The following LPGAT1 variants were observed in gnomAD, a reference collection of about 807,000 sequenced individuals.
LPGAT1 encodes acyl-CoA:lysophosphatidylglycerol acyltransferase 1.
Under a neutral mutation model 47.5 loss-of-function variants are expected in LPGAT1, and 11 were observed. The observed-to-expected ratio is 0.23, with a 90% CI of 0.15 to 0.38. The LOEUF (loss-of-function observed/expected upper bound fraction) is 0.38, where lower values mean the gene tolerates loss of function less well. LPGAT1 is among the 10% of genes least tolerant of loss of function. The pLI, the probability that LPGAT1 is intolerant of heterozygous loss-of-function variation, is 1.00. For missense variants in LPGAT1, 293 were observed against 439.0 expected, an observed-to-expected ratio of 0.67 and a Z score of 2.97; for synonymous variants, 138 against 144.2, an observed-to-expected ratio of 0.96 and a Z score of 0.31.
At chr1:211,788,358 G>T (rs1658970872) in intron 3 of LPGAT1, among the ~76,000 whole-genome samples, 2 of 152,052 alleles carry the variant, frequency 1.3e-5, no homozygotes, top group Non-Finnish European at 2.9e-5. Context: ...AATATTGAGG[G>T]CAGAAGACTT....
chr1:211,767,993 C>T (rs183482334), intron 6 of LPGAT1, among the ~76,000 whole-genome samples: 1 of 152,190 alleles, frequency 6.6e-6, no homozygotes, highest in East Asian at 1.9e-4. Context: ...AAAAGTTGGT[C>T]CCCAATATGT....
chr1:211,764,367 T>A (rs1230943785), intron 6 of LPGAT1, among the ~76,000 whole-genome samples: 1 of 152,200 alleles, frequency 6.6e-6, no homozygotes, highest in African/African-American at 2.4e-5. Context: ...CTGAACAGAA[T>A]TAAATTACAG....
chr1:211,756,474 C>T (rs1051808415), intron 6 of LPGAT1, among the ~76,000 whole-genome samples: 9 of 152,014 alleles, frequency 5.9e-5, no homozygotes, highest in African/African-American at 7.2e-5. Context: ...ACCACAGGTG[C>T]GCATCATCAT....
chr1:211,830,750 C>T lies in LPGAT1; in HGVS notation c.-205G>A. ...GACTCGGTCCCCAAGGGCCCGGCCG[C>T]GTTCGCCCGGACTGGCGGGGAGGGG... is the stretch of plus-strand genomic sequence containing the variant. On this transcript the variant is annotated 5_prime_UTR_variant, in exon 1 of 8. Transcript: ENST00000366997. This position sits in a 1 kb window ranked among gnomAD's most constrained non-coding sequence, Gnocchi z 5.9. 1 of 1,164,412 alleles carries T rather than the reference C, an allele frequency of 8.6e-7. No homozygotes were observed. Among genetic ancestry groups the T allele is most frequent in the Non-Finnish European group, 1.1e-6 (1 of 944,850 alleles). The allele number at this position is 1,164,412 out of a possible 1,614,324, so 72.1% of individuals were successfully genotyped here.
intron 6 of LPGAT1, among the ~76,000 whole-genome samples, chr1:211,772,616 T>C (rs1320546079): frequency 6.6e-6 from 1 of 152,234 alleles, no homozygotes; most frequent in African/African-American, 2.4e-5. Flanking sequence ...GAATACACAA[T>C]GAAATATTTA....
chr1:211,810,118 T>C (rs1392554276), intron 2 of LPGAT1, among the ~76,000 whole-genome samples: 1 of 152,130 alleles, frequency 6.6e-6, no homozygotes, highest in Non-Finnish European at 1.5e-5. Context: ...CCTGCCTGAA[T>C]GAATTAGTTG....
chr1:211,771,506 T>C (rs546096727), intron 6 of LPGAT1, among the ~76,000 whole-genome samples: 126 of 152,184 alleles, frequency 8.3e-4, no homozygotes, highest in African/African-American at 2.9e-3. Flanking sequence ...CTTATTTTTA[T>C]TATTATTATT....
At chr1:211,771,033 G>T (rs1430270459) in intron 6 of LPGAT1, among the ~76,000 whole-genome samples, 1 of 149,948 alleles carries the variant, frequency 6.7e-6, no homozygotes, top group Non-Finnish European at 1.5e-5. Flanking sequence ...GGAGGTGGAG[G>T]TTGCAGTAAG....
intron 6 of LPGAT1, among the ~76,000 whole-genome samples, chr1:211,768,832 C>G (rs1658046909): frequency 1.3e-5 from 2 of 152,138 alleles, no homozygotes; most frequent in African/African-American, 4.8e-5. Context: ...GACATTTGAG[C>G]AGGCCTGAAG....
intron 2 of LPGAT1, among the ~76,000 whole-genome samples, chr1:211,799,275 T>C (rs1450561526): frequency 6.6e-6 from 1 of 152,070 alleles, no homozygotes; most frequent in Non-Finnish European, 1.5e-5. Context: ...AATAGATATA[T>C]AAATAATAAT....
chr1:211,789,125 T>G (rs1659006841), intron 3 of LPGAT1, among the ~76,000 whole-genome samples: 1 of 152,202 alleles, frequency 6.6e-6, no homozygotes, highest in Admixed American at 6.5e-5. Context: ...ATCACCAGCA[T>G]CCCATCTTGT....
intron 3 of LPGAT1, among the ~76,000 whole-genome samples, chr1:211,790,632 A>G (rs1282803186): frequency 6.6e-6 from 1 of 152,202 alleles, no homozygotes; most frequent in East Asian, 1.9e-4. Flanking sequence ...TCAGAGCATT[A>G]TTTAGTATTA....
At chr1:211,776,409 T>C (rs754746931) in intron 6 of LPGAT1, among the ~76,000 whole-genome samples, 128 of 152,124 alleles carry the variant, frequency 8.4e-4, no homozygotes, top group Admixed American at 5.2e-4. Flanking sequence ...TGGTGGTATG[T>C]GCCTGTAATC....
intron 6 of LPGAT1, among the ~76,000 whole-genome samples, chr1:211,752,956 G>C (rs972360208): frequency 2.0e-5 from 3 of 152,164 alleles, no homozygotes; most frequent in African/African-American, 4.8e-5. Flanking sequence ...AGCAGCCAGA[G>C]ACAATGTATA....
chr1:211,796,537 G>A (rs1448882469), intron 2 of LPGAT1, among the ~76,000 whole-genome samples: 1 of 152,120 alleles, frequency 6.6e-6, no homozygotes, highest in Non-Finnish European at 1.5e-5. Context: ...CCCTGCTGAC[G>A]CCTTGATTTC....
intron 6 of LPGAT1, among the ~76,000 whole-genome samples, chr1:211,758,967 AT>A (rs1657577683): frequency 6.6e-6 from 1 of 151,984 alleles, no homozygotes. Context: ...TGGGTATGTA[AT>A]TTTCCCCTAT....
At chr1:211,753,417 T>C (rs1041589089) in intron 6 of LPGAT1, among the ~76,000 whole-genome samples, 8 of 152,194 alleles carry the variant, frequency 5.3e-5, no homozygotes, top group African/African-American at 1.9e-4. Context: ...TTATTTAACT[T>C]CTAAATGTTT....
chr1:211,824,665 C>T (rs1438675548), intron 2 of LPGAT1, among the ~76,000 whole-genome samples: 1 of 152,142 alleles, frequency 6.6e-6, no homozygotes, highest in African/African-American at 2.4e-5. Context: ...TTCTGAAGCA[C>T]CACTCAGTAT....
intron 6 of LPGAT1, among the ~76,000 whole-genome samples, chr1:211,755,722 G>A (rs1657415919): frequency 6.6e-6 from 1 of 150,948 alleles, no homozygotes; most frequent in Non-Finnish European, 1.5e-5. Flanking sequence ...GAACTCACAT[G>A]CTTTTGATTA....
Sources: allele counts gnomAD v4.1 joint callset (sites outside exome capture counted in the v4.1 genomes callset), GRCh38; gene constraint gnomAD v4.1.1; non-coding constraint Gnocchi (gnomAD v3.1); transcripts MANE v1.5; gene names NCBI Gene and HGNC (gene_info 2026-07-23, HGNC 2026-07-21).